PDCD2: variants seen among roughly 807,000 people sequenced by gnomAD.
The protein encoded by PDCD2 is programmed cell death 2.
In PDCD2, 38 loss-of-function variants were observed where a neutral mutation model predicts 38.1. That is an observed-to-expected ratio of 1.00 (90% CI 0.77 to 1.31). The LOEUF (loss-of-function observed/expected upper bound fraction) is 1.31. Ranked by LOEUF, PDCD2 falls within the 50% of genes most tolerant of loss-of-function variation. The probability of loss-of-function intolerance (pLI) is 0.00; values close to 1 mark genes in which losing one functional copy is unlikely to be tolerated. For synonymous variants in PDCD2, 205 were observed against 168.9 expected (o/e 1.21, Z -1.66); for missense variants, 473 against 435.7 (o/e 1.09, Z -0.76).
chr6:170,579,681 GC>G (rs1779540866), intron 4 of PDCD2: 1 of 184,484 alleles, frequency 5.4e-6, no homozygotes, highest in African/African-American at 2.3e-5. Context: ...TGGCGGGGGG[GC>G]CAATGGTGCC....
Position 170,580,120 on chromosome 6 carries a change from T to TA in PDCD2, c.659-16dup. 1 of 1,499,208 alleles carries TA rather than the reference T, an allele frequency of 6.7e-7. No homozygotes were observed. The allele number at this position is 1,499,208 out of a possible 1,614,324, so 92.9% of individuals were successfully genotyped here. On this transcript the variant is annotated splice_polypyrimidine_tract_variant and intron_variant, in intron 3 of 5. Transcript: ENST00000541970. ...AAGTGCTTCACCTGAAAAATCAACG[T>TA]AACTATTATGAAAAACAGGAGTAAT...
Position 170,584,523 on chromosome 6 carries a change from C to T in PDCD2, c.59G>A (p.Trp20Ter). 3.7e-6 allele frequency: 5 copies of T among 1,365,074 alleles called. No homozygotes were observed. Among genetic ancestry groups the T allele is most frequent in the Non-Finnish European group, 4.7e-6 (5 of 1,061,058 alleles). The allele number at this position is 1,365,074 out of a possible 1,614,324, so 84.6% of individuals were successfully genotyped here. A position where few individuals can be genotyped will look rare whatever the true frequency, so the allele number is the denominator to read the frequency against. Residue 20 changes from tryptophan (W) to a stop codon, truncating the protein, a stop_gained, in exon 1 of 6, where the codon TGG becomes TAG. Coordinates refer to ENST00000541970, the MANE Select transcript of PDCD2 (RefSeq NM_002598.4). LOFTEE classifies it high-confidence loss of function. Reference sequence around the variant, plus strand: ...GGGGAACTGCTCGCTGCGCAGTCGCCACGCCGGCGCCGACTCGGCGAAGCC... The same window carrying T: ...GGGGAACTGCTCGCTGCGCAGTCGCTACGCCGGCGCCGACTCGGCGAAGCC... Reference protein sequence around the residue: ...ELGFAESAPAWRLRSEQFPSK... With the variant: ...ELGFAESAPA
At chr6:170,582,585 T>A in intron 3 of PDCD2, 1 of 1,293,846 alleles carries the variant, frequency 7.7e-7, no homozygotes, top group Non-Finnish European at 9.8e-7. Context: ...AAATGTTGGC[T>A]ACTATAATAA....
Position 170,577,316 on chromosome 6 carries a change from C to G in PDCD2, c.*243G>C, listed in dbSNP as rs1469561385. The G allele has an allele frequency of 4.9e-6, 2 of 408,458 alleles. No individual in the cohort carries two copies. The highest frequency in any genetic ancestry group is 8.9e-6 in the Non-Finnish European group (2 of 224,234). The allele number at this position is 408,458 out of a possible 1,614,324, so 25.3% of individuals were successfully genotyped here. The stretch of plus-strand genomic sequence containing the variant: ...ATGAATACCACCTATAATGGTATGT[C>G]TGTTGTCAATATAGGTGTTATAATT... On this transcript the variant is annotated 3_prime_UTR_variant, in exon 6 of 6. Transcript: ENST00000541970.
At position 170,575,567 on chromosome 6, in the gene PDCD2, A is replaced by G. The variant is rs905712031; in HGVS notation, c.*1992T>C. On this transcript the variant is annotated 3_prime_UTR_variant, in exon 6 of 6. Transcript: ENST00000541970. ...TTGTAGTGTTTTAAAATGTCTTCACATTTCTAAAGGCAACTTGCTTAATGC... is the reference window on the plus strand; with the variant it reads ...TTGTAGTGTTTTAAAATGTCTTCACGTTTCTAAAGGCAACTTGCTTAATGC... The G allele has an allele frequency of 6.6e-6, 1 of 152,210 alleles. No individual in the cohort carries two copies. The highest frequency in any genetic ancestry group is 2.4e-5 in the African/African-American group (1 of 41,456). The allele number at this position is 152,210 out of a possible 1,614,324, so 9.4% of individuals were successfully genotyped here.
In PDCD2 at chr6:170,584,570, G is replaced by A. The variant is rs1205441608; in HGVS notation, c.12C>T (p.Ala4=). The A allele has an allele frequency of 4.7e-6, 6 of 1,280,716 alleles. No homozygotes were observed. Among genetic ancestry groups the A allele is most frequent in the East Asian group, 6.3e-5 (2 of 31,510 alleles). The allele number at this position is 1,280,716 out of a possible 1,614,324, so 79.3% of individuals were successfully genotyped here. A position where few individuals can be genotyped will look rare whatever the true frequency, so the allele number is the denominator to read the frequency against. ...AGCCCAGCTCCACAGGCCTGGCCCC[G>A]GCGGCAGCCATGCGGGGCGCGGGCT... The part of the protein sequence containing the change: MAA[A]GARPVELGFA... Residue 4 remains alanine (A), a synonymous_variant, in exon 1 of 6, where the codon GCC becomes GCT. Transcript: ENST00000541970.
At chr6:170,582,278 A>G (rs1010163917) in intron 3 of PDCD2, 6 of 1,503,264 alleles carry the variant, frequency 4.0e-6, no homozygotes, top group Non-Finnish European at 5.4e-6. Flanking sequence ...GTTATCAAGC[A>G]CAAGGTCAGG....
intron 3 of PDCD2, among the ~76,000 whole-genome samples, chr6:170,580,327 C>CT (rs748056812): frequency 2.6e-5 from 4 of 152,324 alleles, no homozygotes; most frequent in Non-Finnish European, 4.4e-5. Flanking sequence ...TGGTCAAGGG[C>CT]TTAGGACTGC....
At chr6:170,582,887 G>C (rs1009087645) in intron 3 of PDCD2, 170 bp downstream of exon 3, 14 of 1,429,734 alleles carry the variant, frequency 9.8e-6, no homozygotes, top group South Asian at 6.3e-5. Flanking sequence ...TTATGTGTCA[G>C]AAAACAAAGT....
At chr6:170,582,084 A>G in intron 3 of PDCD2, 1 of 1,516,234 alleles carries the variant, frequency 6.6e-7, no homozygotes. Flanking sequence ...TGTTTATCGT[A>G]TAGGCATGAA....
At chr6:170,584,263 G>T in intron 1 of PDCD2, 36 bp downstream of exon 1, 1 of 1,374,380 alleles carries the variant, frequency 7.3e-7, no homozygotes, top group Admixed American at 3.0e-5. Flanking sequence ...ACGCGTCGGA[G>T]GCATGGCCCC....
At chr6:170,578,675 C>G (rs913005278) in intron 5 of PDCD2, 182 bp downstream of exon 5, 1 of 704,632 alleles carries the variant, frequency 1.4e-6, no homozygotes, top group Non-Finnish European at 2.6e-6. Flanking sequence ...CAGAAAAAAA[C>G]AAGACAGTTC....
rs772112538 is a variant in PDCD2 at position 170,578,895 on chromosome 6, C to A, written c.838G>T (p.Asp280Tyr). 1.2e-6 allele frequency: 2 copies of A among 1,610,730 alleles called. No homozygotes were observed. The highest frequency in any genetic ancestry group is 1.1e-5 in the South Asian group (1 of 90,436). The change falls in exon 5 of 6, where the codon GAT becomes TAT. Residue 280 changes from aspartate (D) to tyrosine (Y), a missense_variant. By Grantham distance (160) the Asp-to-Tyr change is radical. Coordinates refer to ENST00000541970, the MANE Select transcript of PDCD2 (RefSeq NM_002598.4). ...ENIPQEKDIP[D>Y]CPCGAKRILE... ...ATTCTCTTGGCACCACAGGGGCAAT[C>A]TGGAATATCCTTTTCTTGAGGAATA... is the stretch of plus-strand genomic sequence containing the variant.
In PDCD2 at chr6:170,577,677, A is replaced by C; in HGVS notation, c.917T>G (p.Leu306Arg). Residue 306 changes from leucine (L) to arginine (R), a missense_variant, in exon 6 of 6, where the codon CTG (leucine) becomes CGG (arginine). Leu to Arg is a moderately radical substitution (Grantham distance 102). Coordinates refer to ENST00000541970, the MANE Select transcript of PDCD2 (RefSeq NM_002598.4). ...QLLNYLKADR[L>R]GKSIDWGILA... ...GATGCCCCAGTCAATGCTCTTGCCC[A>C]GTCTGTCAGCCTTCAGGTAGTTTAG... is the stretch of plus-strand genomic sequence containing the variant. 1.2e-6 allele frequency: 2 copies of C among 1,613,398 alleles called. No homozygotes were observed. Among genetic ancestry groups the C allele is most frequent in the Non-Finnish European group, 1.7e-6 (2 of 1,179,982 alleles).
intron 4 of PDCD2, 64 bp downstream of exon 4, chr6:170,579,938 C>A: frequency 1.2e-6 from 1 of 852,270 alleles, no homozygotes; most frequent in South Asian, 1.4e-5. Flanking sequence ...TTATTTCTTA[C>A]AGATTATACT....
At chr6:170,577,933 G>A (rs1229266017) in intron 5 of PDCD2, among the ~76,000 whole-genome samples, 1 of 152,166 alleles carries the variant, frequency 6.6e-6, no homozygotes, top group Admixed American at 6.5e-5. Context: ...ATTTGAGAAA[G>A]AAGTTCACAA....
intron 1 of PDCD2, 74 bp from the exon 2 acceptor site, chr6:170,583,821 A>C (rs1779708161): frequency 8.9e-7 from 1 of 1,129,828 alleles, no homozygotes; most frequent in African/African-American, 2.2e-5. Flanking sequence ...TCTGCACGTA[A>C]AACTGAAAAT....
At chr6:170,583,818 G>C (rs930779433) in intron 1 of PDCD2, 71 bp from the exon 2 acceptor site, 1 of 1,154,504 alleles carries the variant, frequency 8.7e-7, no homozygotes, top group Non-Finnish European at 1.2e-6. Flanking sequence ...TCCTCTGCAC[G>C]TAAAACTGAA....
chr6:170,582,003 A>G (rs1423786220), intron 3 of PDCD2: 2 of 1,004,016 alleles, frequency 2.0e-6, no homozygotes, highest in Non-Finnish European at 2.8e-6. Context: ...TTTGAAGTCC[A>G]GCTTTCATCC....
Sources: allele counts gnomAD v4.1 joint callset (sites outside exome capture counted in the v4.1 genomes callset), GRCh38; gene constraint gnomAD v4.1.1; transcripts MANE v1.5; gene names NCBI Gene and HGNC (gene_info 2026-07-23, HGNC 2026-07-21).